Variants in ROBO1 observed in about 807,000 individuals in gnomAD.
ROBO1 encodes roundabout homolog 1.
In ROBO1, 149 loss-of-function variants were observed where a neutral mutation model predicts 195.9. The ratio of observed to expected loss-of-function variants is 0.76; its 90% CI spans 0.67 to 0.87. ROBO1 has a LOEUF of 0.87. ROBO1 is among the 40% of genes least tolerant of loss of function. The pLI is 0.00. For missense variants in ROBO1, 1,933 were observed against 2,068.3 expected (o/e 0.93, Z 1.27); for synonymous variants, 816 against 733.2 (o/e 1.11, Z -1.82).
chr3:79,601,276 G>T (rs1348314176), intron 1 of ROBO1, among the ~76,000 whole-genome samples: 3 of 151,954 alleles, frequency 2.0e-5, no homozygotes, highest in Non-Finnish European at 2.9e-5. Context: ...GTTTCATTCG[G>T]ATGGGATTTC....
chr3:78,618,130 A>G, intron 26 of ROBO1, 89 bp from the exon 27 acceptor site: 3 of 1,361,356 alleles, frequency 2.2e-6, no homozygotes, highest in Non-Finnish European at 3.0e-6. Context: ...AAGCATGCAG[A>G]TTTGACCTTT....
At chr3:79,395,213 T>A (rs1347918642) in intron 2 of ROBO1, among the ~76,000 whole-genome samples, 3 of 149,182 alleles carry the variant, frequency 2.0e-5, no homozygotes, top group African/African-American at 7.4e-5. Context: ...TCCCAGCTAC[T>A]CAGGAAGCTG....
intron 2 of ROBO1, among the ~76,000 whole-genome samples, chr3:79,327,756 T>C (rs1161950506): frequency 2.0e-5 from 3 of 152,108 alleles, no homozygotes; most frequent in African/African-American, 7.2e-5. Flanking sequence ...TCTCTAGTCC[T>C]CATCAATCCT....
intron 2 of ROBO1, among the ~76,000 whole-genome samples, chr3:79,340,406 A>C (rs1286569716): frequency 2.0e-5 from 3 of 152,064 alleles, no homozygotes; most frequent in Admixed American, 6.6e-5. Flanking sequence ...TCATGACTTG[A>C]ATAAGGGGAG....
chr3:79,495,982 G>A (rs1385756953), intron 2 of ROBO1, among the ~76,000 whole-genome samples: 1 of 152,060 alleles, frequency 6.6e-6, no homozygotes, highest in African/African-American at 2.4e-5. Context: ...GGAGGCCAAG[G>A]CGGGTGGATC....
intron 2 of ROBO1, among the ~76,000 whole-genome samples, chr3:79,529,877 ATG>A (rs1192226205): frequency 6.6e-6 from 1 of 152,216 alleles, no homozygotes; most frequent in Non-Finnish European, 1.5e-5. Context: ...TAATAAATAA[ATG>A]TATTAAAATA....
chr3:78,924,363 T>C lies in ROBO1; in HGVS notation c.499+14238A>G, dbSNP rs182924236. 2.2e-3 allele frequency among the ~76,000 whole-genome samples: 161 copies of C among 74,044 alleles called. 1 individual carries two copies. The highest frequency in any genetic ancestry group is 8.0e-3 in the African/African-American group (154 of 19,368). The allele number at this position is 74,044 out of a possible 152,430, so 48.6% of individuals were successfully genotyped here. A position where few individuals can be genotyped will look rare whatever the true frequency, so the allele number is the denominator to read the frequency against. ...TAAATTATTTATAAGAAAAATAATCTATAATAACATGGAGCTAATTATCAC... is the reference window on the plus strand; with the variant it reads ...TAAATTATTTATAAGAAAAATAATCCATAATAACATGGAGCTAATTATCAC... On this transcript the variant is annotated intron_variant, in intron 4 of 30. Coordinates refer to ENST00000464233, the MANE Select transcript of ROBO1 (RefSeq NM_002941.4).
chr3:79,050,214 T>C lies in ROBO1; in HGVS notation c.172+75242A>G, dbSNP rs1460982274. 3.3e-5 allele frequency among the ~76,000 whole-genome samples: 5 copies of C among 151,908 alleles called. 1 individual carries two copies. The highest frequency in any genetic ancestry group is 4.2e-4 in the South Asian group (2 of 4,810). On this transcript the variant is annotated intron_variant, in intron 3 of 30. Coordinates refer to ENST00000464233, the MANE Select transcript of ROBO1 (RefSeq NM_002941.4). ...GATGGAGGAAGATCTACCTAGCAAA[T>C]GGGAAGCAAAAAATAAAAGCAGGGG...
rs143360306 is a variant in ROBO1, at chr3:79,584,610, AGTGTGT to A, written c.88+5208_88+5213del. 1.9e-3 allele frequency among the ~76,000 whole-genome samples: 244 copies of A among 131,762 alleles called. 1 individual carries two copies. Among genetic ancestry groups the A allele is most frequent in the African/African-American group, 5.8e-3 (186 of 31,900 alleles). The allele number at this position is 131,762 out of a possible 152,430, so 86.4% of individuals were successfully genotyped here. On this transcript the variant is annotated intron_variant, in intron 2 of 30. Transcript: ENST00000464233. ...GACCTCCATGATTTGTAGGTGGGTG[AGTGTGT>A]GTGTGTGTGTGTGTGTGTGTGTATG... is the stretch of plus-strand genomic sequence containing the variant.
chr3:79,203,852 A>T (rs969836422), intron 2 of ROBO1, among the ~76,000 whole-genome samples: 1 of 152,124 alleles, frequency 6.6e-6, no homozygotes, highest in African/African-American at 2.4e-5. Flanking sequence ...CCCATCTTAT[A>T]CTGAGTTTAT....
chr3:79,551,974 C>T (rs1362729026), intron 2 of ROBO1, among the ~76,000 whole-genome samples: 2 of 74,240 alleles, frequency 2.7e-5, no homozygotes, highest in Non-Finnish European at 4.8e-5. Flanking sequence ...GATCTCTCTA[C>T]AGAGTTAAAA....
chr3:79,449,888 T>G (rs531333801), intron 2 of ROBO1, among the ~76,000 whole-genome samples: 5 of 152,214 alleles, frequency 3.3e-5, no homozygotes, highest in Admixed American at 3.3e-4. Context: ...AACAATCATA[T>G]AGAATATAAT....
At chr3:79,350,703 T>A (rs2035309700) in intron 2 of ROBO1, among the ~76,000 whole-genome samples, 1 of 152,206 alleles carries the variant, frequency 6.6e-6, no homozygotes. Flanking sequence ...CACCTATATA[T>A]GATTTCATTT....
intron 3 of ROBO1, among the ~76,000 whole-genome samples, chr3:79,067,884 A>C (rs2079028935): frequency 6.6e-6 from 1 of 151,906 alleles, no homozygotes; most frequent in Admixed American, 6.6e-5. Context: ...ACTGTGGCTA[A>C]TTCCCTTCTA....
At chr3:79,601,889 C>G (rs2107869509) in intron 1 of ROBO1, among the ~76,000 whole-genome samples, 1 of 152,002 alleles carries the variant, frequency 6.6e-6, no homozygotes, top group South Asian at 2.1e-4. Flanking sequence ...GTCACAGGAT[C>G]ATTTTTAAAT....
chr3:78,611,608 G>A (rs897106144), intron 28 of ROBO1, among the ~76,000 whole-genome samples: 9 of 152,300 alleles, frequency 5.9e-5, no homozygotes, highest in South Asian at 2.1e-4. Flanking sequence ...GGATTTGACC[G>A]CAGAGCAAGG....
chr3:79,534,311 T>C (rs1032092100), intron 2 of ROBO1, among the ~76,000 whole-genome samples: 15 of 152,076 alleles, frequency 9.9e-5, no homozygotes, highest in African/African-American at 3.4e-4. Context: ...ACTAAATCTG[T>C]GATGATTTTA....
intron 4 of ROBO1, among the ~76,000 whole-genome samples, chr3:78,920,829 C>G (rs1467682501): frequency 6.6e-6 from 1 of 151,448 alleles, no homozygotes; most frequent in Non-Finnish European, 1.5e-5. Context: ...TATTTTTTTA[C>G]TTTTTTTAAA....
rs1704210378 is a variant in ROBO1 at position 78,617,812 on chromosome 3, AC to A, written c.4104del (p.Ser1369ProfsTer2). 1 of 1,613,648 alleles carries A rather than the reference AC, an allele frequency of 6.2e-7. No homozygotes were observed. The highest frequency in any genetic ancestry group is 8.5e-7 in the Non-Finnish European group (1 of 1,179,854). On this transcript the variant is annotated frameshift_variant, in exon 27 of 31. Coordinates refer to ENST00000464233, the MANE Select transcript of ROBO1 (RefSeq NM_002941.4). LOFTEE classifies it high-confidence loss of function. ...GCTGAGCCCCAGCCGTTGATCATGG[AC>A]CCCGTGACAGAGCTCTCCAGGTCCC... is the stretch of plus-strand genomic sequence containing the variant. ...SVGDLESSVT[G>X]SMINGWGSAS...
Sources: gnomAD v4.1 joint callset for allele counts (sites outside exome capture counted in the v4.1 genomes callset) on GRCh38, gnomAD v4.1.1 for gene constraint, MANE v1.5 for transcripts, NCBI Gene and HGNC (gene_info 2026-07-23, HGNC 2026-07-21) for gene names.